Variants in DHX29 observed in about 807,000 individuals in gnomAD.
DHX29 encodes the protein DExH-box helicase 29, also known as ATP-dependent RNA helicase DHX29.
DHX29 carries 79 observed loss-of-function variants against 167.9 expected under a neutral mutation model. That is an observed-to-expected ratio of 0.47 (90% CI 0.39 to 0.57). The LOEUF (loss-of-function observed/expected upper bound fraction) is 0.57. Among genes scored for constraint, DHX29 ranks in the 20% least tolerant of loss-of-function variants. The pLI is 0.00. For missense variants in DHX29, 1,347 were observed against 1,593.4 expected, an observed-to-expected ratio of 0.85 and a Z score of 2.63; for synonymous variants, 530 against 546.0, an observed-to-expected ratio of 0.97 and a Z score of 0.41.
intron 26 of DHX29, among the ~76,000 whole-genome samples, chr5:55,258,765 C>T (rs1746170217): frequency 1.3e-5 from 2 of 152,046 alleles, no homozygotes; most frequent in Admixed American, 6.6e-5. Context: ...GTTACCGAGG[C>T]TAGTCTTGAA....
rs1748265352 is a variant in DHX29 at position 55,295,440 on chromosome 5, G to A, written c.590C>T (p.Ala197Val). The A allele has an allele frequency of 6.2e-7, 1 of 1,613,482 alleles. No individual in the cohort carries two copies. The highest frequency in any genetic ancestry group is 8.5e-7 in the Non-Finnish European group (1 of 1,179,506). ...RPKFQSPQIQ[A>V]TISPPLQPKT... ...AGGTTGCAATGGAGGTGAAATAGTG[G>A]CTTGTATTTGAGGAGACTGAAATTT... Residue 197 changes from alanine (A) to valine (V), a missense_variant, in exon 5 of 27, where the codon GCC (alanine) becomes GTC (valine). Around this residue, in one of 3 missense-constraint regions of DHX29, gnomAD observed 405 missense variants for 416.8 expected, o/e 0.97. Transcript: ENST00000251636.
intron 12 of DHX29, 129 bp from the exon 13 acceptor site, chr5:55,277,411 G>A: frequency 1.9e-6 from 1 of 533,480 alleles, no homozygotes; most frequent in Non-Finnish European, 3.2e-6. Flanking sequence ...ACATGTGCGG[G>A]GAGGGAGAAG....
chr5:55,264,643 A>C (rs2111797793), intron 23 of DHX29, among the ~76,000 whole-genome samples: 1 of 152,326 alleles, frequency 6.6e-6, no homozygotes. Context: ...CACTTCCCAA[A>C]GAGGGGACAA....
chr5:55,261,375 T>C lies in DHX29; in HGVS notation c.3953A>G (p.Tyr1318Cys), dbSNP rs1364926289. 6.4e-7 allele frequency: 1 copy of C among 1,573,590 alleles called. No homozygotes were observed. The highest frequency in any genetic ancestry group is 2.3e-5 in the East Asian group (1 of 44,410). The change falls in exon 25 of 27, where the codon TAT becomes TGT. Residue 1318 changes from tyrosine (Y) to cysteine (C), a missense_variant. Transcript: ENST00000251636. ...ERLLSIDGWI[Y>C]FQAPVKIAVI... Reference sequence around the variant, plus strand: ...ATCAGTTGTACTATGTACCTGAAAATAGATCCAGCCATCAATAGAAAGAAG... The same window carrying C: ...ATCAGTTGTACTATGTACCTGAAAACAGATCCAGCCATCAATAGAAAGAAG...
At chr5:55,293,510 T>C (rs931684150) in intron 6 of DHX29, among the ~76,000 whole-genome samples, 1 of 152,086 alleles carries the variant, frequency 6.6e-6, no homozygotes, top group African/African-American at 2.4e-5. Flanking sequence ...TCATTTAAGT[T>C]TTCATTTTCA....
Position 55,289,266 on chromosome 5 carries a change from T to G in DHX29, c.1066+4A>C. The stretch of plus-strand genomic sequence containing the variant: ...ACACCCTGACCATCTTCCCTTAATT[T>G]TACCTTTCTCTTCTTCAGTAGCAGC... On this transcript the variant is annotated splice_donor_region_variant and intron_variant, in intron 8 of 26. Coordinates refer to ENST00000251636, the MANE Select transcript of DHX29 (RefSeq NM_019030.4). 6.4e-7 allele frequency: 1 copy of G among 1,550,464 alleles called. No homozygotes were observed. Among genetic ancestry groups the G allele is most frequent in the Non-Finnish European group, 8.6e-7 (1 of 1,156,578 alleles).
chr5:55,265,094 G>GAAAAAAAAAAAAAA (rs11336502), intron 23 of DHX29, among the ~76,000 whole-genome samples: 2 of 136,458 alleles, frequency 1.5e-5, no homozygotes. Flanking sequence ...AAAGAAAAAA[G>GAAAAAAAAAAAAAA]AAAAAAAAAA....
chr5:55,276,847 A>G (rs751180215), intron 13 of DHX29, among the ~76,000 whole-genome samples: 26 of 152,118 alleles, frequency 1.7e-4, no homozygotes, highest in Non-Finnish European at 3.2e-4. Flanking sequence ...TAATCTGAAT[A>G]TAATGATTTT....
At position 55,283,567 on chromosome 5, in the gene DHX29, G is replaced by GA. The variant is rs1747553525; in HGVS notation, c.1600dup (p.Ser534PhefsTer17). ...ATTTGCTGATTCCAAGGACAGTGCA[G>GA]AAAAATCCTCATCCGAAACTAAATT... On this transcript the variant is annotated frameshift_variant, in exon 11 of 27. Transcript: ENST00000251636. LOFTEE classifies it high-confidence loss of function. 1 of 1,614,066 alleles carries GA rather than the reference G, an allele frequency of 6.2e-7. No individual in the cohort carries two copies. The highest frequency in any genetic ancestry group is 1.3e-5 in the African/African-American group (1 of 74,932).
At position 55,281,415 on chromosome 5, in the gene DHX29, T is replaced by C. The variant is rs1454255179; in HGVS notation, c.2066A>G (p.Glu689Gly). The C allele has an allele frequency of 7.5e-6, 12 of 1,602,842 alleles. No homozygotes were observed. Among genetic ancestry groups the C allele is most frequent in the Non-Finnish European group, 9.4e-6 (11 of 1,174,500 alleles). Residue 689 changes from glutamate to glycine, a missense_variant, in exon 12 of 27, where the codon GAA becomes GGA. Physicochemically the swap from Glu to Gly is moderately conservative, Grantham distance 98. Coordinates refer to ENST00000251636, the MANE Select transcript of DHX29 (RefSeq NM_019030.4). ...AGACACATTACTTAGAAGACCATCT[T>C]CTTGAAGTTTCCTTAGCAAAACCCC... ...TTGVLLRKLQ[E>G]DGLLSNVSHV...
chr5:55,295,619 T>TA, intron 4 of DHX29, 95 bp from the exon 5 acceptor site: 1 of 1,262,508 alleles, frequency 7.9e-7, no homozygotes, highest in South Asian at 1.5e-5. Flanking sequence ...TGCCTAGACT[T>TA]AGAGCACCTA....
At chr5:55,269,211 C>T (rs1579762754) in intron 21 of DHX29, among the ~76,000 whole-genome samples, 1 of 148,918 alleles carries the variant, frequency 6.7e-6, no homozygotes, top group Admixed American at 6.7e-5. Context: ...ACCATTGCTC[C>T]CCAGCCTGGG....
At chr5:55,300,325 T>C (rs1385185828) in intron 1 of DHX29, among the ~76,000 whole-genome samples, 4 of 151,766 alleles carry the variant, frequency 2.6e-5, no homozygotes, top group Non-Finnish European at 5.9e-5. Context: ...CAGTGAGCTG[T>C]GACTGCAACA....
intron 17 of DHX29, 26 bp downstream of exon 17, chr5:55,273,267 T>C: frequency 5.1e-6 from 8 of 1,559,978 alleles, no homozygotes; most frequent in Non-Finnish European, 7.0e-6. Flanking sequence ...GTGGATCACA[T>C]ATAAATTTGC....
At chr5:55,259,721 T>C in intron 26 of DHX29, 127 bp downstream of exon 26, 2 of 510,220 alleles carry the variant, frequency 3.9e-6, no homozygotes, top group Non-Finnish European at 7.2e-6. Flanking sequence ...CTCCCAGAAG[T>C]GCTGGGATTA....
At chr5:55,275,303 A>G (rs1483956742) in intron 14 of DHX29, among the ~76,000 whole-genome samples, 1 of 152,238 alleles carries the variant, frequency 6.6e-6, no homozygotes, top group East Asian at 1.9e-4. Flanking sequence ...GTAATCATGT[A>G]TGCATCATTC....
chr5:55,264,230 C>G (rs893005290), intron 23 of DHX29, among the ~76,000 whole-genome samples: 4 of 152,154 alleles, frequency 2.6e-5, no homozygotes, highest in African/African-American at 9.7e-5. Context: ...GGGAGCCCTG[C>G]TTTTCACATT....
intron 3 of DHX29, among the ~76,000 whole-genome samples, chr5:55,296,812 ATCTT>A (rs775733815): frequency 7.2e-5 from 11 of 152,168 alleles, no homozygotes; most frequent in Non-Finnish European, 1.0e-4. Flanking sequence ...TTCAGTGAAC[ATCTT>A]TATAGATAAA....
chr5:55,298,685 G>C, intron 1 of DHX29, 21 bp from the exon 2 acceptor site: 1 of 1,200,854 alleles, frequency 8.3e-7, no homozygotes, highest in East Asian at 2.3e-5. Context: ...AAATAGACAA[G>C]GCAATTTAAT....
Sources: gnomAD v4.1 joint callset for allele counts (sites outside exome capture counted in the v4.1 genomes callset) on GRCh38, gnomAD v4.1.1 for gene constraint, gnomAD v4.1.1 regional missense constraint, MANE v1.5 for transcripts, NCBI Gene and HGNC (gene_info 2026-07-23, HGNC 2026-07-21) for gene names.